DNAAF9: variants seen among roughly 807,000 people sequenced by gnomAD.
DNAAF9 encodes the protein dynein axonemal assembly factor 9.
Under a neutral mutation model 167.0 loss-of-function variants are expected in DNAAF9, and 90 were observed. The observed-to-expected ratio is 0.54, with a 90% CI of 0.45 to 0.64. The LOEUF (loss-of-function observed/expected upper bound fraction) is 0.64, where lower values mean the gene tolerates loss of function less well. DNAAF9 is among the 30% of genes least tolerant of loss of function. DNAAF9 has a pLI of 0.00. For missense variants in DNAAF9, 1,315 were observed against 1,442.2 expected (o/e 0.91, Z 1.43); for synonymous variants, 491 against 508.8 (o/e 0.96, Z 0.47).
intron 22 of DNAAF9, 35 bp downstream of exon 22, chr20:3,297,991 AAGT>A (rs781097278): frequency 4.5e-6 from 7 of 1,547,608 alleles, no homozygotes; most frequent in Non-Finnish European, 6.2e-6. Flanking sequence ...GGGGAAAAAA[AAGT>A]AGTAGTAGTT....
intron 23 of DNAAF9, 98 bp from the exon 24 acceptor site, chr20:3,294,727 C>G: frequency 1.3e-6 from 1 of 757,774 alleles, no homozygotes; most frequent in Non-Finnish European, 2.3e-6. Flanking sequence ...AGTCCAATGA[C>G]AGAGTCAACT....
chr20:3,252,454 C>T lies in DNAAF9; in HGVS notation c.*118G>A. ...ATGCACTCAAGCCAGCCCACACAGGCCAAGGAGAACAAAGACAGCCCCTTA... is the reference window on the plus strand; with the variant it reads ...ATGCACTCAAGCCAGCCCACACAGGTCAAGGAGAACAAAGACAGCCCCTTA... On this transcript the variant is annotated 3_prime_UTR_variant, in exon 37 of 37. Coordinates refer to ENST00000252032, the MANE Select transcript of DNAAF9 (RefSeq NM_001009984.3). 4.4e-6 allele frequency: 3 copies of T among 685,138 alleles called. No individual in the cohort carries two copies. The highest frequency in any genetic ancestry group is 8.0e-6 in the Non-Finnish European group (3 of 375,038). The allele number at this position is 685,138 out of a possible 1,614,324, so 42.4% of individuals were successfully genotyped here. A position where few individuals can be genotyped will look rare whatever the true frequency, so the allele number is the denominator to read the frequency against.
Position 3,257,079 on chromosome 20 carries a change from G to A in DNAAF9, c.3056-868C>T, listed in dbSNP as rs569516849. Among the ~76,000 whole-genome samples, 3 of 152,272 alleles carry A rather than the reference G, an allele frequency of 2.0e-5. No homozygotes were observed. In the South Asian group the frequency reaches 6.2e-4, roughly 32 times the overall value. On this transcript the variant is annotated intron_variant, in intron 33 of 36. Coordinates refer to ENST00000252032, the MANE Select transcript of DNAAF9 (RefSeq NM_001009984.3). ...CACACAGATGAGAATGGGAAAAAGTGTTACATGCTAAGGAGATGAGGGCTA... is the reference window on the plus strand; with the variant it reads ...CACACAGATGAGAATGGGAAAAAGTATTACATGCTAAGGAGATGAGGGCTA...
At chr20:3,362,275 A>T in intron 6 of DNAAF9, 1 of 1,277,514 alleles carries the variant, frequency 7.8e-7, no homozygotes, top group Non-Finnish European at 1.1e-6. Flanking sequence ...TTCTTCCAAC[A>T]GTTGGAAATT....
chr20:3,326,431 T>C, intron 12 of DNAAF9, 147 bp from the exon 13 acceptor site: 2 of 619,674 alleles, frequency 3.2e-6, no homozygotes, highest in Non-Finnish European at 5.7e-6. Flanking sequence ...TTCTAAACCT[T>C]TTAAAAGTCA....
intron 10 of DNAAF9, among the ~76,000 whole-genome samples, chr20:3,334,345 C>T (rs1568611106): frequency 2.0e-5 from 3 of 152,200 alleles, no homozygotes. Context: ...CCTCAGTGTT[C>T]CCTCTCCAAA....
At chr20:3,283,109 G>A (rs1418888666) in intron 27 of DNAAF9, among the ~76,000 whole-genome samples, 1 of 152,200 alleles carries the variant, frequency 6.6e-6, no homozygotes, top group Non-Finnish European at 1.5e-5. Flanking sequence ...TTCAAGAGGG[G>A]ACCTAGCCTC....
chr20:3,262,085 T>C (rs2068400131), intron 31 of DNAAF9, among the ~76,000 whole-genome samples: 1 of 152,040 alleles, frequency 6.6e-6, no homozygotes, highest in Non-Finnish European at 1.5e-5. Flanking sequence ...GGGAGTAATA[T>C]ATAGAGATGA....
intron 12 of DNAAF9, among the ~76,000 whole-genome samples, chr20:3,329,775 T>C (rs1336048237): frequency 2.6e-5 from 4 of 152,174 alleles, no homozygotes; most frequent in Non-Finnish European, 5.9e-5. Flanking sequence ...AAAATTCCAT[T>C]ATGTCCATAT....
At chr20:3,397,318 G>T (rs1421897450) in intron 1 of DNAAF9, among the ~76,000 whole-genome samples, 1 of 142,006 alleles carries the variant, frequency 7.0e-6, no homozygotes. Flanking sequence ...TTTTTGTTTT[G>T]TTTTGTTTTT....
At chr20:3,389,642 T>C (rs1198770079) in intron 1 of DNAAF9, among the ~76,000 whole-genome samples, 1 of 151,746 alleles carries the variant, frequency 6.6e-6, no homozygotes, top group Non-Finnish European at 1.5e-5. Context: ...AAGTCAGCAT[T>C]ATATAAAACA....
chr20:3,363,381 T>G (rs2083389211), intron 6 of DNAAF9, among the ~76,000 whole-genome samples: 1 of 150,690 alleles, frequency 6.6e-6, no homozygotes, highest in Non-Finnish European at 1.5e-5. Flanking sequence ...GGATAATCAC[T>G]TGAACCCAGG....
intron 6 of DNAAF9, chr20:3,360,059 A>T (rs1477824410): frequency 6.6e-6 from 1 of 152,484 alleles, no homozygotes; most frequent in Non-Finnish European, 1.5e-5. Context: ...CAGCACATAT[A>T]CTAAAATTGG....
chr20:3,297,979 AG>A (rs2069111370), intron 22 of DNAAF9, 49 bp downstream of exon 22: 2 of 1,451,042 alleles, frequency 1.4e-6, no homozygotes, highest in Non-Finnish European at 1.9e-6. Context: ...TTAAATTGCT[AG>A]GGGGAAAAAA....
rs1600724054 is a variant in DNAAF9 at position 3,294,688 on chromosome 20, C to T, written c.2019-59G>A. The T allele has an allele frequency of 4.6e-6, 5 of 1,089,520 alleles. No homozygotes were observed. In the African/African-American group the frequency reaches 4.7e-5, roughly 10 times the overall value. The allele number at this position is 1,089,520 out of a possible 1,614,324, so 67.5% of individuals were successfully genotyped here. ...ATCTTCCTTCAGCATATACACTTTA[C>T]ACAACTGGGCCTGATGCTTTCAAGC... On this transcript the variant is annotated intron_variant, in intron 23 of 36. Transcript: ENST00000252032.
intron 31 of DNAAF9, among the ~76,000 whole-genome samples, chr20:3,263,736 C>T (rs147049159): frequency 3.3e-5 from 5 of 152,334 alleles, no homozygotes; most frequent in African/African-American, 7.2e-5. Flanking sequence ...CTGTTGGACA[C>T]GGTAGCTGCC....
chr20:3,251,138 A>T lies in DNAAF9; in HGVS notation c.*1434T>A, dbSNP rs2068187484. 1 of 150,350 alleles carries T rather than the reference A, an allele frequency of 6.7e-6. No individual in the cohort carries two copies. Among genetic ancestry groups the T allele is most frequent in the African/African-American group, 2.4e-5 (1 of 40,854 alleles). The allele number at this position is 150,350 out of a possible 1,614,324, so 9.3% of individuals were successfully genotyped here. A position where few individuals can be genotyped will look rare whatever the true frequency, so the allele number is the denominator to read the frequency against. ...TGGAGTTTTGTTCATTTGGCTTCAA[A>T]TTGTTTTTTTTTTTTTTCTAATATA... is the stretch of plus-strand genomic sequence containing the variant. On this transcript the variant is annotated 3_prime_UTR_variant, in exon 37 of 37. Coordinates refer to ENST00000252032, the MANE Select transcript of DNAAF9 (RefSeq NM_001009984.3).
At chr20:3,394,770 T>C (rs1282048112) in intron 1 of DNAAF9, among the ~76,000 whole-genome samples, 2 of 152,046 alleles carry the variant, frequency 1.3e-5, no homozygotes, top group Non-Finnish European at 2.9e-5. Flanking sequence ...TGGATCTCTA[T>C]CTGAGGCATT....
chr20:3,301,756 A>T (rs570016374), intron 21 of DNAAF9, among the ~76,000 whole-genome samples: 1 of 152,226 alleles, frequency 6.6e-6, no homozygotes, highest in South Asian at 2.1e-4. Flanking sequence ...TAATGATGTA[A>T]CTTCTTCTAT....
Sources: gnomAD v4.1 joint callset for allele counts (sites outside exome capture counted in the v4.1 genomes callset) on GRCh38, gnomAD v4.1.1 for gene constraint, MANE v1.5 for transcripts, NCBI Gene and HGNC (gene_info 2026-07-23, HGNC 2026-07-21) for gene names.